Variants in RABGAP1 observed in about 807,000 individuals in gnomAD.
RABGAP1 encodes RAB GTPase activating protein 1.
In RABGAP1, 23 loss-of-function variants were observed where a neutral mutation model predicts 137.6. The ratio of observed to expected loss-of-function variants is 0.17; its 90% CI spans 0.12 to 0.24. The LOEUF (loss-of-function observed/expected upper bound fraction) is 0.24, where lower values mean the gene tolerates loss of function less well. Among genes scored for constraint, RABGAP1 ranks in the 10% least tolerant of loss-of-function variants. RABGAP1 has a pLI of 1.00. For missense variants in RABGAP1, 906 were observed against 1,275.8 expected (o/e 0.71, Z 4.42); for synonymous variants, 451 against 450.7 (o/e 1.00, Z -0.01).
intron 8 of RABGAP1, chr9:122,996,992 T>G (rs1317196767): frequency 1.7e-6 from 1 of 573,674 alleles, no homozygotes; most frequent in Non-Finnish European, 3.2e-6. Context: ...ATAATTCACA[T>G]GAAAGAAGAA....
chr9:123,044,593 C>T (rs1205053255), intron 13 of RABGAP1, among the ~76,000 whole-genome samples: 2 of 151,572 alleles, frequency 1.3e-5, no homozygotes, highest in Non-Finnish European at 2.9e-5. Context: ...CCTTCTTTGA[C>T]ATCGTGGGAA....
chr9:123,023,004 C>T (rs1038865793), intron 13 of RABGAP1, among the ~76,000 whole-genome samples: 1 of 152,108 alleles, frequency 6.6e-6, no homozygotes, highest in African/African-American at 2.4e-5. Context: ...TTTAAAAGTG[C>T]ATAGCTCCAT....
At chr9:123,097,876 T>C in intron 22 of RABGAP1, 31 bp downstream of exon 22, 2 of 1,579,950 alleles carry the variant, frequency 1.3e-6, no homozygotes, top group Non-Finnish European at 1.7e-6. Flanking sequence ...TCCTCTGTCT[T>C]GCAAATGCTT....
Position 123,056,486 on chromosome 9 carries a change from T to C in RABGAP1, c.1795-8862T>C, listed in dbSNP as rs150566881. 3.4e-3 allele frequency among the ~76,000 whole-genome samples: 511 copies of C among 151,294 alleles called. 1 individual carries two copies. The highest frequency in any genetic ancestry group is 6.9e-3 in the African/African-American group (284 of 41,306). ...GATTATGCTGTTTCTTTTTTCTTTT[T>C]TTTTTTTTTTTTAATTGATCATTCT... On this transcript the variant is annotated intron_variant, in intron 13 of 25. Coordinates refer to ENST00000373647, the MANE Select transcript of RABGAP1 (RefSeq NM_012197.4).
At chr9:123,003,957 T>C (rs568514611) in intron 10 of RABGAP1, among the ~76,000 whole-genome samples, 2 of 152,360 alleles carry the variant, frequency 1.3e-5, no homozygotes, top group Admixed American at 6.5e-5. Context: ...GAAGCTGATA[T>C]CTGAAAGACT....
chr9:123,079,229 GTTTTGTTTTGTTT>G (rs2034623281), intron 19 of RABGAP1, among the ~76,000 whole-genome samples: 2 of 107,896 alleles, frequency 1.9e-5, no homozygotes, highest in South Asian at 4.3e-4. Context: ...TTGTTTTTTT[GTTTTGTTTTGTTT>G]TTTTTTTTTT....
At chr9:123,035,096 T>C in intron 13 of RABGAP1, 1 of 1,614,180 alleles carries the variant, frequency 6.2e-7, no homozygotes, top group Non-Finnish European at 8.5e-7. Flanking sequence ...CATGGAGATG[T>C]GTTTCAGTGG....
chr9:123,040,087 T>C (rs1337738473), intron 13 of RABGAP1, among the ~76,000 whole-genome samples: 1 of 152,170 alleles, frequency 6.6e-6, no homozygotes, highest in Non-Finnish European at 1.5e-5. Flanking sequence ...CAGAGAGGGA[T>C]CAAAGAAGGA....
At chr9:123,080,608 T>C (rs1405364426) in intron 19 of RABGAP1, among the ~76,000 whole-genome samples, 1 of 152,206 alleles carries the variant, frequency 6.6e-6, no homozygotes, top group Non-Finnish European at 1.5e-5. Flanking sequence ...TAGGAAGTCA[T>C]TGGCAAGTGC....
chr9:123,070,201 G>C lies in RABGAP1; in HGVS notation c.1909-149G>C. On this transcript the variant is annotated intron_variant, in intron 14 of 25. Coordinates refer to ENST00000373647, the MANE Select transcript of RABGAP1 (RefSeq NM_012197.4). This position sits in a 1 kb window ranked among gnomAD's most constrained non-coding sequence, Gnocchi z 4.4. Reference sequence around the variant, plus strand: ...GTAAAGAAAAAGTTAAGATTGGAGAGAAGTATTGGCACCACTTACTGTCTG... The same window carrying C: ...GTAAAGAAAAAGTTAAGATTGGAGACAAGTATTGGCACCACTTACTGTCTG... The C allele has an allele frequency of 7.3e-7, 1 of 1,374,626 alleles. No homozygotes were observed. The highest frequency in any genetic ancestry group is 9.6e-7 in the Non-Finnish European group (1 of 1,041,688). 85.2% of individuals were successfully genotyped at this position (1,374,626 alleles called of 1,614,324 possible). A position where few individuals can be genotyped will look rare whatever the true frequency, so the allele number is the denominator to read the frequency against.
intron 21 of RABGAP1, among the ~76,000 whole-genome samples, chr9:123,094,659 GTA>G (rs1564191161): frequency 2.6e-5 from 4 of 152,166 alleles, no homozygotes; most frequent in Non-Finnish European, 5.9e-5. Flanking sequence ...TGCTGGCCTC[GTA>G]AAATGAAGTG....
At chr9:123,058,478 A>C (rs545854586) in intron 13 of RABGAP1, among the ~76,000 whole-genome samples, 1 of 152,338 alleles carries the variant, frequency 6.6e-6, no homozygotes, top group South Asian at 2.1e-4. Context: ...GTTACAAAAA[A>C]GCAAAACAAT....
rs529842638 is a variant in RABGAP1, at chr9:123,073,461, A to G, written c.1984-91A>G. 133 of 1,477,728 alleles carry G rather than the reference A, an allele frequency of 9.0e-5. 1 individual carries two copies. The Middle Eastern group carries it at 1.3e-3, about 14-fold the overall frequency. 91.5% of individuals were successfully genotyped at this position (1,477,728 alleles called of 1,614,324 possible). A position where few individuals can be genotyped will look rare whatever the true frequency, so the allele number is the denominator to read the frequency against. ...ATTTTCTGGTAAGGCAATAATATAA[A>G]GCTGGATTTAATATCCTGAGAAAAC... On this transcript the variant is annotated intron_variant, in intron 15 of 25. Transcript: ENST00000373647.
Position 122,990,133 on chromosome 9 carries a change from A to G in RABGAP1, c.843A>G (p.Ala281=). 6.2e-7 allele frequency: 1 copy of G among 1,611,248 alleles called. No individual in the cohort carries two copies. The highest frequency in any genetic ancestry group is 1.1e-5 in the South Asian group (1 of 90,968). ...AKQTPLSATA[A]PQTPDSDIFT... ...AGACCCCACTTTCAGCCACTGCTGC[A>G]CCCCAGACTCCTGACAGTGACATCT... Residue 281 remains alanine, a synonymous_variant, in exon 6 of 26, where the codon GCA becomes GCG. Coordinates refer to ENST00000373647, the MANE Select transcript of RABGAP1 (RefSeq NM_012197.4).
chr9:123,059,512 G>A (rs1209488806), intron 13 of RABGAP1, among the ~76,000 whole-genome samples: 6 of 152,096 alleles, frequency 3.9e-5, no homozygotes, highest in Non-Finnish European at 7.4e-5. Context: ...GCGAGATTGC[G>A]CCACTGCACT....
intron 13 of RABGAP1, among the ~76,000 whole-genome samples, chr9:123,055,794 A>AGT (rs2033670190): frequency 6.6e-6 from 1 of 151,826 alleles, no homozygotes; most frequent in East Asian, 1.9e-4. Flanking sequence ...AGGTGATCCG[A>AGT]CCACCTTTGG....
chr9:123,021,307 A>C (rs1213826937), intron 13 of RABGAP1, among the ~76,000 whole-genome samples: 4 of 151,346 alleles, frequency 2.6e-5, no homozygotes, highest in Non-Finnish European at 4.4e-5. Context: ...AAAAAAAAAA[A>C]AACCTTATAA....
At chr9:123,102,683 C>A (rs1019259933) in intron 25 of RABGAP1, among the ~76,000 whole-genome samples, 1 of 152,022 alleles carries the variant, frequency 6.6e-6, no homozygotes, top group African/African-American at 2.4e-5. Context: ...TCTTTCCTTG[C>A]AGTAGGGGAT....
intron 13 of RABGAP1, chr9:123,035,305 G>A: frequency 1.2e-6 from 2 of 1,614,184 alleles, no homozygotes; most frequent in Non-Finnish European, 1.7e-6. Context: ...GGCCTGTCCT[G>A]ATAAGCGCTA....
Sources: allele counts gnomAD v4.1 joint callset (sites outside exome capture counted in the v4.1 genomes callset), GRCh38; gene constraint gnomAD v4.1.1; non-coding constraint Gnocchi (gnomAD v3.1); transcripts MANE v1.5; gene names NCBI Gene and HGNC (gene_info 2026-07-23, HGNC 2026-07-21).